Variants in OSBPL1A observed in about 807,000 individuals in gnomAD.
OSBPL1A encodes the protein oxysterol-binding protein-related protein 1.
A neutral mutation model predicts 137.1 loss-of-function variants in OSBPL1A; 80 were observed. That is an observed-to-expected ratio of 0.58 (90% CI 0.49 to 0.70). The LOEUF is 0.70. OSBPL1A is among the 30% of genes least tolerant of loss of function. The pLI is 0.00. For synonymous variants in OSBPL1A, 365 were observed against 389.7 expected (o/e 0.94, Z 0.75); for missense variants, 970 against 1,129.4 (o/e 0.86, Z 2.02).
At chr18:24,371,809 T>C (rs1181801986) in intron 2 of OSBPL1A, among the ~76,000 whole-genome samples, 1 of 152,180 alleles carries the variant, frequency 6.6e-6, no homozygotes, top group East Asian at 1.9e-4. Context: ...ATGCTGTCAC[T>C]GGGTCCCAGG....
At position 24,381,237 on chromosome 18, in the gene OSBPL1A, C is replaced by CA. The variant is rs1491173718; in HGVS notation, c.-2-3703dup. 3.3e-5 allele frequency among the ~76,000 whole-genome samples: 5 copies of CA among 152,212 alleles called. No homozygotes were observed. In the South Asian group the frequency reaches 1.0e-3, roughly 32 times the overall value. On this transcript the variant is annotated intron_variant, in intron 1 of 27. Transcript: ENST00000319481. Reference sequence around the variant, plus strand: ...CAGGGTCAGTGGGTGGAAAAGTACTCAGAGGAAACATCAGGGGCAAAGGGG... The same window carrying CA: ...CAGGGTCAGTGGGTGGAAAAGTACTCAAGAGGAAACATCAGGGGCAAAGGGG...
At chr18:24,390,694 C>CA (rs751432894) in intron 1 of OSBPL1A, among the ~76,000 whole-genome samples, 1,243 of 56,122 alleles carry the variant, frequency 0.022, 124 homozygotes, top group African/African-American at 0.038. Context: ...GACTCCGTCT[C>CA]AAAAAAAAAA....
At chr18:24,227,722 G>A (rs1257512939) in intron 16 of OSBPL1A, among the ~76,000 whole-genome samples, 1 of 152,112 alleles carries the variant, frequency 6.6e-6, no homozygotes, top group Non-Finnish European at 1.5e-5. Context: ...ACCTGCATCA[G>A]GGATGATAAC....
At chr18:24,327,537 G>A (rs2078435739) in intron 7 of OSBPL1A, among the ~76,000 whole-genome samples, 1 of 152,028 alleles carries the variant, frequency 6.6e-6, no homozygotes, top group South Asian at 2.1e-4. Context: ...AGCCTCCCAA[G>A]TAGCTGGAAG....
chr18:24,366,806 G>A, intron 4 of OSBPL1A, 86 bp downstream of exon 4: 2 of 1,330,382 alleles, frequency 1.5e-6, no homozygotes, highest in Non-Finnish European at 2.1e-6. Context: ...TTCGGTTGCT[G>A]GTCAGATGGT....
chr18:24,199,981 A>G (rs1303552765), intron 17 of OSBPL1A, among the ~76,000 whole-genome samples: 2 of 152,240 alleles, frequency 1.3e-5, no homozygotes, highest in Non-Finnish European at 2.9e-5. Flanking sequence ...TTCATGTATA[A>G]TCTCAAATTC....
intron 18 of OSBPL1A, among the ~76,000 whole-genome samples, chr18:24,185,951 C>T (rs563983113): frequency 2.0e-4 from 31 of 152,122 alleles, no homozygotes; most frequent in African/African-American, 7.5e-4. Context: ...ATCTGTAGTC[C>T]CAGCTTCTTG....
At chr18:24,304,062 G>A (rs2090455376) in intron 13 of OSBPL1A, among the ~76,000 whole-genome samples, 2 of 152,120 alleles carry the variant, frequency 1.3e-5, no homozygotes, top group Non-Finnish European at 2.9e-5. Context: ...TAGGCCTCAT[G>A]AAATTCATCA....
chr18:24,313,580 C>A (rs1454424438), intron 12 of OSBPL1A, among the ~76,000 whole-genome samples: 1 of 152,112 alleles, frequency 6.6e-6, no homozygotes, highest in Non-Finnish European at 1.5e-5. Context: ...GGCTTGTAGT[C>A]CAGGTTCTGT....
intron 12 of OSBPL1A, among the ~76,000 whole-genome samples, chr18:24,312,498 TACTA>T (rs961429829): frequency 6.6e-6 from 1 of 152,212 alleles, no homozygotes; most frequent in African/African-American, 2.4e-5. Flanking sequence ...CACACAATTT[TACTA>T]ACTTACACTC....
At chr18:24,321,935 A>G (rs911575954) in intron 7 of OSBPL1A, among the ~76,000 whole-genome samples, 2 of 151,988 alleles carry the variant, frequency 1.3e-5, no homozygotes, top group African/African-American at 4.8e-5. Context: ...TTTTTTTAAA[A>G]AGGTCACTCT....
At position 24,167,428 on chromosome 18, in the gene OSBPL1A, C is replaced by T. The variant is rs766273958; in HGVS notation, c.2436G>A (p.Glu812=). The change falls in exon 25 of 28, where the codon GAG becomes GAA. Residue 812 remains glutamate (E), a synonymous_variant. Coordinates refer to ENST00000319481, the MANE Select transcript of OSBPL1A (RefSeq NM_080597.4). ...KNSKQMSTSE[E]LDEMPVPDSE... ...AATCCGGCACTGGCATTTCATCCAA[C>T]TCCTCAGAGGTGCTCATCTAGAAAA... The T allele has an allele frequency of 6.2e-6, 10 of 1,614,076 alleles. No individual in the cohort carries two copies. In the East Asian group the frequency reaches 2.2e-4, roughly 36 times the overall value.
intron 7 of OSBPL1A, among the ~76,000 whole-genome samples, chr18:24,320,352 CTT>C (rs1462873217): frequency 6.6e-6 from 1 of 152,150 alleles, no homozygotes; most frequent in Non-Finnish European, 1.5e-5. Context: ...TACGCCCAGA[CTT>C]TTTAAATAAA....
At chr18:24,233,105 T>C (rs1485375492) in intron 16 of OSBPL1A, among the ~76,000 whole-genome samples, 2 of 152,170 alleles carry the variant, frequency 1.3e-5, no homozygotes, top group Admixed American at 1.3e-4. Flanking sequence ...ACCTACAATA[T>C]TCAAAGAGCA....
At chr18:24,366,824 G>T in intron 4 of OSBPL1A, 68 bp downstream of exon 4, 1 of 1,481,688 alleles carries the variant, frequency 6.7e-7, no homozygotes, top group Non-Finnish European at 9.3e-7. Flanking sequence ...GGTTATAACA[G>T]AGAAAACAAT....
intron 18 of OSBPL1A, among the ~76,000 whole-genome samples, chr18:24,184,428 C>T (rs2145928202): frequency 6.6e-6 from 1 of 152,264 alleles, no homozygotes; most frequent in Middle Eastern, 3.4e-3. Context: ...CCATTACAAC[C>T]ACTTAACCTG....
At chr18:24,283,279 A>ATATATATATATAT (rs1328962665) in intron 14 of OSBPL1A, among the ~76,000 whole-genome samples, 1 of 85,178 alleles carries the variant, frequency 1.2e-5, no homozygotes. Flanking sequence ...AAAAAAAAAA[A>ATATATATATATAT]AAATATATAT....
chr18:24,309,207 T>G (rs2090567526), intron 13 of OSBPL1A, among the ~76,000 whole-genome samples: 2 of 152,248 alleles, frequency 1.3e-5, no homozygotes, highest in African/African-American at 4.8e-5. Context: ...TTTCTAATTT[T>G]TATTTCTGAA....
chr18:24,292,641 A>G (rs748394488), intron 14 of OSBPL1A, among the ~76,000 whole-genome samples: 59 of 152,150 alleles, frequency 3.9e-4, no homozygotes, highest in Non-Finnish European at 1.8e-4. Flanking sequence ...TGAAGTTTAT[A>G]CCACGGTGGG....
Sources: gnomAD v4.1 joint callset for allele counts (sites outside exome capture counted in the v4.1 genomes callset) on GRCh38, gnomAD v4.1.1 for gene constraint, MANE v1.5 for transcripts, NCBI Gene and HGNC (gene_info 2026-07-23, HGNC 2026-07-21) for gene names.